Variants in PKIB observed in about 807,000 individuals in gnomAD.
PKIB encodes the protein cAMP-dependent protein kinase inhibitor beta.
PKIB carries 2 observed loss-of-function variants against 4.5 expected under a neutral mutation model. The ratio of observed to expected loss-of-function variants is 0.44; its 90% CI spans 0.18 to 1.39. PKIB has a LOEUF of 1.39. Ranked by LOEUF, PKIB falls within the 40% of genes most tolerant of loss-of-function variation. The pLI, the probability that PKIB is intolerant of heterozygous loss-of-function variation, is 0.27. For synonymous variants in PKIB, 38 were observed against 36.0 expected, an observed-to-expected ratio of 1.06 and a Z score of -0.20; for missense variants, 94 against 92.6, an observed-to-expected ratio of 1.02 and a Z score of -0.06.
intron 2 of PKIB, among the ~76,000 whole-genome samples, chr6:122,497,561 G>A (rs367687163): frequency 7.9e-5 from 12 of 152,072 alleles, no homozygotes; most frequent in African/African-American, 2.7e-4. Flanking sequence ...AAGAGATCAG[G>A]GGTCATTATT....
chr6:122,554,985 AAGC>A (rs2114662173), intron 2 of PKIB, among the ~76,000 whole-genome samples: 1 of 152,332 alleles, frequency 6.6e-6, no homozygotes, highest in Non-Finnish European at 1.5e-5. Flanking sequence ...GAGATGGGCA[AAGC>A]AGAAGGTAAT....
chr6:122,563,703 C>A (rs907798809), intron 2 of PKIB, among the ~76,000 whole-genome samples: 7 of 152,034 alleles, frequency 4.6e-5, no homozygotes, highest in African/African-American at 1.7e-4. Flanking sequence ...GAAGATTATG[C>A]CTGCCTCTGC....
At chr6:122,557,943 A>G (rs543996928) in intron 2 of PKIB, among the ~76,000 whole-genome samples, 3 of 152,248 alleles carry the variant, frequency 2.0e-5, no homozygotes, top group Non-Finnish European at 2.9e-5. Flanking sequence ...CCCTACTTCC[A>G]TGACTGGACT....
intron 2 of PKIB, among the ~76,000 whole-genome samples, chr6:122,564,526 T>G (rs1481549624): frequency 1.3e-5 from 2 of 152,104 alleles, no homozygotes; most frequent in Admixed American, 1.3e-4. Flanking sequence ...CCACCTACAA[T>G]ATAACATAAT....
At chr6:122,499,482 A>G (rs1314639025) in intron 2 of PKIB, among the ~76,000 whole-genome samples, 1 of 152,148 alleles carries the variant, frequency 6.6e-6, no homozygotes, top group Non-Finnish European at 1.5e-5. Flanking sequence ...CAGTAGACAC[A>G]GAAAAAATCT....
intron 3 of PKIB, among the ~76,000 whole-genome samples, chr6:122,692,551 T>C (rs1407642646): frequency 6.6e-6 from 1 of 151,968 alleles, no homozygotes; most frequent in Non-Finnish European, 1.5e-5. Context: ...TTGTGGTGAA[T>C]GCTTCCAGGC....
intron 3 of PKIB, chr6:122,701,560 G>A (rs964640306): frequency 6.4e-7 from 1 of 1,556,178 alleles, no homozygotes; most frequent in Admixed American, 1.9e-5. Flanking sequence ...AAAAGAGATG[G>A]CATAACAGTG....
At chr6:122,481,624 A>C (rs1350491634) in intron 2 of PKIB, 1 of 152,212 alleles carries the variant, frequency 6.6e-6, no homozygotes, top group Admixed American at 6.5e-5. Flanking sequence ...AAAAAGGATC[A>C]TGTTGGAAAT....
chr6:122,550,554 AAC>A (rs1370529592), intron 2 of PKIB, among the ~76,000 whole-genome samples: 1 of 152,142 alleles, frequency 6.6e-6, no homozygotes, highest in Non-Finnish European at 1.5e-5. Flanking sequence ...CATATTTTCC[AAC>A]AGTCTTTTGA....
chr6:122,717,721 A>C lies in PKIB; in HGVS notation c.-8-66A>C, dbSNP rs761485773. The C allele has an allele frequency of 1.4e-5, 21 of 1,524,222 alleles. No homozygotes were observed. The African/African-American group carries it at 2.6e-4, about 19-fold the overall frequency. The allele number at this position is 1,524,222 out of a possible 1,614,324, so 94.4% of individuals were successfully genotyped here. ...TGTTTTTGATCTAGCCATGCCTTTC[A>C]ACCACTGTGGTGAACATTTACTTCT... On this transcript the variant is annotated intron_variant, in intron 3 of 4. Coordinates refer to ENST00000368452, the MANE Select transcript of PKIB (RefSeq NM_181795.3).
intron 3 of PKIB, among the ~76,000 whole-genome samples, chr6:122,688,649 A>G (rs1174322548): frequency 6.6e-6 from 1 of 151,990 alleles, no homozygotes; most frequent in Non-Finnish European, 1.5e-5. Context: ...TGGTCTGTTC[A>G]GGTTTTGTAT....
chr6:122,517,380 C>A (rs565920088), intron 2 of PKIB, among the ~76,000 whole-genome samples: 1 of 152,274 alleles, frequency 6.6e-6, no homozygotes, highest in South Asian at 2.1e-4. Flanking sequence ...AAATATTAAA[C>A]AAATATTCCC....
chr6:122,647,251 C>T (rs1196726890), intron 2 of PKIB, among the ~76,000 whole-genome samples: 2 of 152,172 alleles, frequency 1.3e-5, no homozygotes, highest in African/African-American at 4.8e-5. Flanking sequence ...ATGATTGAAT[C>T]TGGACCACTA....
At chr6:122,589,953 T>C (rs1773967981) in intron 3 of PKIB, among the ~76,000 whole-genome samples, 1 of 152,208 alleles carries the variant, frequency 6.6e-6, no homozygotes, top group Admixed American at 6.5e-5. Context: ...TCTTTGGTTA[T>C]TCTGAAATAT....
intron 2 of PKIB, among the ~76,000 whole-genome samples, chr6:122,576,839 G>A (rs1271349149): frequency 2.0e-5 from 3 of 151,230 alleles, no homozygotes; most frequent in African/African-American, 7.3e-5. Flanking sequence ...TTTAAATTAA[G>A]TATAACTTGC....
chr6:122,691,793 A>T (rs1414050583), intron 3 of PKIB, among the ~76,000 whole-genome samples: 1 of 151,966 alleles, frequency 6.6e-6, no homozygotes, highest in Admixed American at 6.6e-5. Context: ...TTAGGTATTT[A>T]CTGTAGTCGT....
intron 2 of PKIB, among the ~76,000 whole-genome samples, chr6:122,582,921 CT>C (rs1448533595): frequency 6.6e-6 from 1 of 151,922 alleles, no homozygotes; most frequent in Non-Finnish European, 1.5e-5. Flanking sequence ...ATTTTGTTTT[CT>C]TTGGCTATGC....
intron 3 of PKIB, among the ~76,000 whole-genome samples, chr6:122,694,771 GATCATTGAACGGCTACTGAGCTA>G (rs1340579691): frequency 6.6e-6 from 1 of 152,188 alleles, no homozygotes; most frequent in Non-Finnish European, 1.5e-5. Context: ...CAGAGTGCCT[GATCATTGAACGGCTACTGAGCTA>G]AAAGGATATT....
chr6:122,613,020 C>A (rs955052445), intron 1 of PKIB, among the ~76,000 whole-genome samples: 14 of 152,068 alleles, frequency 9.2e-5, no homozygotes, highest in Non-Finnish European at 2.9e-5. Context: ...TGAGGTACAG[C>A]AAACACTTTT....
Sources: gnomAD v4.1 joint callset for allele counts (sites outside exome capture counted in the v4.1 genomes callset) on GRCh38, gnomAD v4.1.1 for gene constraint, MANE v1.5 for transcripts, NCBI Gene and HGNC (gene_info 2026-07-23, HGNC 2026-07-21) for gene names.